Variants in BTD observed in about 807,000 individuals in gnomAD.
BTD encodes biocytinase.
BTD carries 13 observed loss-of-function variants against 17.7 expected under a neutral mutation model. That is an observed-to-expected ratio of 0.74 (90% CI 0.48 to 1.17). The LOEUF (loss-of-function observed/expected upper bound fraction) is 1.17, where lower values mean the gene tolerates loss of function less well. BTD is among the 50% of genes most tolerant of loss of function. The pLI, the probability that BTD is intolerant of heterozygous loss-of-function variation, is 0.00. For missense variants in BTD, 674 were observed against 650.4 expected (o/e 1.04, Z -0.39); for synonymous variants, 240 against 245.2 (o/e 0.98, Z 0.20).
chr3:15,691,799 T>C (rs1000917671), intron 3 of BTD, among the ~76,000 whole-genome samples: 8 of 152,182 alleles, frequency 5.3e-5, no homozygotes, highest in African/African-American at 1.7e-4. Flanking sequence ...GAATGAACTC[T>C]GAGGAATCAT....
chr3:15,709,734 T>C (rs1482247962), intron 3 of BTD: 19 of 1,561,020 alleles, frequency 1.2e-5, no homozygotes, highest in Non-Finnish European at 1.6e-5. Context: ...GCACTCCAAA[T>C]TCCTATTGAG....
At chr3:15,615,888 G>A (rs141644812) in intron 1 of BTD, among the ~76,000 whole-genome samples, 7 of 152,198 alleles carry the variant, frequency 4.6e-5, no homozygotes, top group African/African-American at 1.7e-4. Flanking sequence ...GTTACATATT[G>A]GAATCATACA....
At position 15,688,310 on chromosome 3, in the gene BTD, G is replaced by A. The variant is rs114471578; in HGVS notation, c.400-21750G>A. The stretch of plus-strand genomic sequence containing the variant: ...AAATTGATTTTTATTTTATATTTTA[G>A]GAACAGGGTTTCATCATGTTGCCTA... On this transcript the variant is annotated intron_variant, in intron 3 of 3. Transcript: ENST00000672141. Among the ~76,000 whole-genome samples the A allele has an allele frequency of 1.6e-3, 241 of 152,180 alleles. 3 individuals are homozygous for A. The highest frequency in any genetic ancestry group is 5.4e-3 in the Admixed American group (83 of 15,286).
chr3:15,603,753 C>A (rs2064355259), intron 1 of BTD, among the ~76,000 whole-genome samples: 1 of 152,090 alleles, frequency 6.6e-6, no homozygotes, highest in Non-Finnish European at 1.5e-5. Context: ...GTAAATATAC[C>A]CGTTCCAAAT....
chr3:15,704,510 C>A (rs1346884307), intron 3 of BTD, among the ~76,000 whole-genome samples: 1 of 151,902 alleles, frequency 6.6e-6, no homozygotes, highest in Non-Finnish European at 1.5e-5. Flanking sequence ...TTTAAAAAAC[C>A]ATTTAAAAAA....
intron 3 of BTD, chr3:15,670,318 T>G: frequency 1.9e-6 from 3 of 1,613,974 alleles, no homozygotes; most frequent in Non-Finnish European, 2.5e-6. Flanking sequence ...CGTCAGTGTA[T>G]AAGTACTCCT....
chr3:15,706,552 G>A (rs989581485), intron 3 of BTD, among the ~76,000 whole-genome samples: 10 of 152,222 alleles, frequency 6.6e-5, no homozygotes, highest in South Asian at 4.2e-4. Flanking sequence ...ATAAACATAC[G>A]TGTGCATGTG....
intron 4 of BTD, among the ~76,000 whole-genome samples, chr3:15,718,669 A>G (rs1263905468): frequency 1.3e-5 from 2 of 151,910 alleles, no homozygotes; most frequent in Admixed American, 1.3e-4. Flanking sequence ...TTTTAAAGAC[A>G]GCATCATGTG....
At chr3:15,641,322 C>T (rs1054650708) in intron 2 of BTD, among the ~76,000 whole-genome samples, 1 of 152,184 alleles carries the variant, frequency 6.6e-6, no homozygotes, top group Non-Finnish European at 1.5e-5. Context: ...CCAGTGGATC[C>T]TAACCTTGGC....
intron 1 of BTD, among the ~76,000 whole-genome samples, chr3:15,627,459 C>T (rs2065095436): frequency 6.6e-6 from 1 of 152,094 alleles, no homozygotes; most frequent in Non-Finnish European, 1.5e-5. Context: ...ACCTCCTGGG[C>T]TCAAGCAATC....
chr3:15,688,268 A>T (rs1453392192), intron 3 of BTD, among the ~76,000 whole-genome samples: 1 of 152,216 alleles, frequency 6.6e-6, no homozygotes, highest in East Asian at 1.9e-4. Context: ...TTTTTCACAG[A>T]TCCCATCCAG....
chr3:15,677,358 T>C (rs767360543), intron 3 of BTD: 3 of 700,510 alleles, frequency 4.3e-6, no homozygotes, highest in Non-Finnish European at 4.8e-6. Context: ...GTTCAAGAAA[T>C]CTAATACCAG....
chr3:15,722,308 C>A (rs2073815910), exon 5 of BTD, among the ~76,000 whole-genome samples: 1 of 152,192 alleles, frequency 6.6e-6, no homozygotes, highest in Non-Finnish European at 1.5e-5. Context: ...AAATGAAGCT[C>A]AGGTGAGCAT....
Position 15,644,803 on chromosome 3 carries a change from C to T in BTD, c.887C>T (p.Pro296Leu). The T allele has an allele frequency of 6.2e-7, 1 of 1,614,220 alleles. No individual in the cohort carries two copies. The highest frequency in any genetic ancestry group is 1.7e-5 in the Admixed American group (1 of 60,026). Residue 296 changes from proline to leucine, a missense_variant, in exon 4 of 4, where the codon CCT becomes CTT. By Grantham distance (98) the Pro-to-Leu change is moderately conservative. Coordinates refer to ENST00000643237, the MANE Select transcript of BTD (RefSeq NM_001370658.1). Reference protein sequence around the residue: ...LGMTGSGIHTPLESFWYHDME... With the variant: ...LGMTGSGIHTLLESFWYHDME... ...ATGACAGGAAGTGGCATACACACCC[C>T]TCTGGAGTCCTTTTGGTACCATGAC...
intron 3 of BTD, chr3:15,679,267 G>A (rs2067274572): frequency 8.1e-6 from 13 of 1,597,296 alleles, no homozygotes; most frequent in Non-Finnish European, 1.1e-5. Flanking sequence ...ACTGTGCCTG[G>A]CTAAAACTAT....
intron 1 of BTD, among the ~76,000 whole-genome samples, chr3:15,631,119 G>A (rs2065193704): frequency 6.6e-6 from 1 of 152,180 alleles, no homozygotes; most frequent in South Asian, 2.1e-4. Context: ...ATAATTTAAA[G>A]ACTGTTGGAA....
intron 3 of BTD, chr3:15,696,380 T>C (rs1235719376): frequency 5.5e-6 from 3 of 544,832 alleles, no homozygotes; most frequent in Non-Finnish European, 9.5e-6. Context: ...TATTACACTA[T>C]AAAAATGTCA....
chr3:15,604,533 C>T (rs553681654), intron 1 of BTD, among the ~76,000 whole-genome samples: 1 of 152,332 alleles, frequency 6.6e-6, no homozygotes, highest in East Asian at 1.9e-4. Context: ...ACATTTTCCC[C>T]ATTGTCTTGG....
chr3:15,649,739 C>T lies in BTD; in HGVS notation c.*4251C>T, dbSNP rs2065771666. Among the ~76,000 whole-genome samples, 1 of 152,224 alleles carries T rather than the reference C, an allele frequency of 6.6e-6. No individual in the cohort carries two copies. Among genetic ancestry groups the T allele is most frequent in the African/African-American group, 2.4e-5 (1 of 41,454 alleles). On this transcript the variant is annotated 3_prime_UTR_variant, in exon 4 of 4. Transcript: ENST00000643237. ...TCCTTCAAGGTCTACTCTCTCATCACAGCTTGTGACTCTTCCACTTTTTGA... is the reference window on the plus strand; with the variant it reads ...TCCTTCAAGGTCTACTCTCTCATCATAGCTTGTGACTCTTCCACTTTTTGA...
Sources: allele counts gnomAD v4.1 joint callset (sites outside exome capture counted in the v4.1 genomes callset), GRCh38; gene constraint gnomAD v4.1.1; transcripts MANE v1.5; gene names NCBI Gene and HGNC (gene_info 2026-07-23, HGNC 2026-07-21).